Variants in TMEM255A observed in about 807,000 individuals in gnomAD.
TMEM255A encodes family with sequence similarity 70, member A.
In TMEM255A, 14 loss-of-function variants were observed where a neutral mutation model predicts 23.5. The observed-to-expected ratio is 0.60, with a 90% CI of 0.39 to 0.93. The LOEUF (loss-of-function observed/expected upper bound fraction) is 0.93, where lower values mean the gene tolerates loss of function less well. Among genes scored for constraint, TMEM255A ranks in the 40% least tolerant of loss-of-function variants. The pLI is 0.00. For synonymous variants in TMEM255A, 104 were observed against 100.3 expected, an observed-to-expected ratio of 1.04 and a Z score of -0.22; for missense variants, 233 against 261.7, an observed-to-expected ratio of 0.89 and a Z score of 0.76.
chrX:120,305,732 C>T (rs782072987), intron 1 of TMEM255A, among the ~76,000 whole-genome samples: 4 of 110,860 alleles, frequency 3.6e-5, no homozygotes, highest in Admixed American at 2.8e-4. Context: ...GTCAAGGAAA[C>T]GAAGCGAGAC....
chrX:120,293,945 T>A (rs782634625), intron 3 of TMEM255A, 44 bp downstream of exon 3: 1 of 1,010,423 alleles, frequency 9.9e-7, no homozygotes, highest in East Asian at 3.3e-5. Context: ...AATGTTGTGC[T>A]TTTTTAGAGG....
chrX:120,277,372 T>C (rs192235779), intron 6 of TMEM255A, among the ~76,000 whole-genome samples: 1 of 112,426 alleles, frequency 8.9e-6, no homozygotes, highest in Admixed American at 9.3e-5. Context: ...TCATTGCATC[T>C]GTGCTGTTTA....
intron 4 of TMEM255A, 147 bp downstream of exon 4, chrX:120,291,104 T>G (rs2057911636): frequency 8.0e-6 from 4 of 502,936 alleles, no homozygotes; most frequent in Non-Finnish European, 1.4e-5. Context: ...TCACCTTGAC[T>G]GCCAACTCCT....
At chrX:120,280,660 CTT>C (rs1167388863) in intron 6 of TMEM255A, among the ~76,000 whole-genome samples, 1 of 111,151 alleles carries the variant, frequency 9.0e-6, no homozygotes, top group South Asian at 3.8e-4. Context: ...TCCTAAAACA[CTT>C]TTAAAAATAT....
At chrX:120,293,299 C>T (rs2057929455) in intron 3 of TMEM255A, among the ~76,000 whole-genome samples, 1 of 112,527 alleles carries the variant, frequency 8.9e-6, no homozygotes, top group Admixed American at 9.3e-5. Context: ...CTACCTTTAC[C>T]CTTGAGGGAG....
chrX:120,255,435 ACTC>A (rs782263109), downstream of TMEM255A: 106 of 1,179,095 alleles, frequency 9.0e-5, no homozygotes, highest in Non-Finnish European at 1.2e-4. Flanking sequence ...GTCTTACTAA[ACTC>A]CTTTGAAATA....
Position 120,260,713 on chromosome X carries a change from T to C in TMEM255A, c.*157A>G. 1.4e-6 allele frequency: 1 copy of C among 736,942 alleles called. No homozygotes were observed. Among genetic ancestry groups the C allele is most frequent in the Middle Eastern group, 4.8e-4 (1 of 2,068 alleles). 60.7% of individuals were successfully genotyped at this position (736,942 alleles called of 1,213,427 possible). Reference sequence around the variant, plus strand: ...CCTGACCACCCCTGCTCTGCACTAATAATGAATAAGCTTCGTCCCTATCTT... The same window carrying C: ...CCTGACCACCCCTGCTCTGCACTAACAATGAATAAGCTTCGTCCCTATCTT... On this transcript the variant is annotated 3_prime_UTR_variant, in exon 9 of 9. Coordinates refer to ENST00000371369, the MANE Select transcript of TMEM255A (RefSeq NM_001104544.3).
At chrX:120,282,464 T>C (rs1431374094) in intron 6 of TMEM255A, among the ~76,000 whole-genome samples, 1 of 111,904 alleles carries the variant, frequency 8.9e-6, no homozygotes, top group Non-Finnish European at 1.9e-5. Flanking sequence ...CCCCTCTCAG[T>C]TGCCTAGTCC....
intron 1 of TMEM255A, among the ~76,000 whole-genome samples, chrX:120,305,443 T>A (rs1194994859): frequency 3.0e-5 from 3 of 101,444 alleles, no homozygotes; most frequent in Admixed American, 2.1e-4. Flanking sequence ...AAAAAAAAAA[T>A]AAGCAAATGA....
chrX:120,254,838 C>T, downstream of TMEM255A: 1 of 1,211,628 alleles, frequency 8.3e-7, no homozygotes, highest in South Asian at 1.8e-5. Flanking sequence ...GGCAAACAAA[C>T]GTATGAAAGT....
intron 2 of TMEM255A, among the ~76,000 whole-genome samples, chrX:120,294,454 A>T (rs1229656275): frequency 1.8e-5 from 2 of 110,025 alleles, no homozygotes; most frequent in Non-Finnish European, 3.8e-5. Context: ...AAAAAAAGGT[A>T]TTGGTGCTAA....
In TMEM255A at chrX:120,304,476, C is replaced by T. The variant is rs1556026627; in HGVS notation, c.74G>A (p.Arg25Lys). 1 of 1,209,676 alleles carries T rather than the reference C, an allele frequency of 8.3e-7. No homozygotes were observed. Among genetic ancestry groups the T allele is most frequent in the African/African-American group, 1.7e-5 (1 of 57,566 alleles). Residue 25 changes from arginine (R) to lysine (K), a missense_variant, in exon 2 of 9, where the codon AGG becomes AAG. Arg to Lys is a conservative substitution (Grantham distance 26). Transcript: ENST00000371369. Reference sequence around the variant, plus strand: ...GGTGACATAGATGGAGTTTCGTTTCCTCCGATTGAATGCTCCTGAAAGCAC... The same window carrying T: ...GGTGACATAGATGGAGTTTCGTTTCTTCCGATTGAATGCTCCTGAAAGCAC... ...LPDSMGAFNR[R>K]KRNSIYVTVT... is the part of the protein sequence containing the mutation.
chrX:120,296,304 G>A (rs956519227), intron 2 of TMEM255A, among the ~76,000 whole-genome samples: 1 of 110,243 alleles, frequency 9.1e-6, no homozygotes, highest in Non-Finnish European at 1.9e-5. Context: ...TTGTGGAATT[G>A]TCTGGAAAGA....
intron 2 of TMEM255A, among the ~76,000 whole-genome samples, chrX:120,297,104 ATATAT>A (rs2057998487): frequency 3.6e-5 from 1 of 27,571 alleles, no homozygotes; most frequent in Non-Finnish European, 5.2e-5. Context: ...ATAATATTAT[ATATAT>A]TATATTATAT....
chrX:120,305,338 C>T (rs2058057477), intron 1 of TMEM255A, among the ~76,000 whole-genome samples: 1 of 109,558 alleles, frequency 9.1e-6, no homozygotes, highest in Admixed American at 9.7e-5. Context: ...AGGAACCGAG[C>T]ACTGTCTCAC....
At chrX:120,282,871 G>A (rs2057846625) in intron 6 of TMEM255A, among the ~76,000 whole-genome samples, 1 of 111,322 alleles carries the variant, frequency 9.0e-6, no homozygotes, top group Non-Finnish European at 1.9e-5. Flanking sequence ...AGGTGTGTCT[G>A]CAAGGAATCA....
chrX:120,261,273 C>T (rs1382940468), intron 8 of TMEM255A, among the ~76,000 whole-genome samples: 2 of 111,700 alleles, frequency 1.8e-5, no homozygotes, highest in Non-Finnish European at 3.8e-5. Flanking sequence ...CAATCAATTG[C>T]CAAATCCTGT....
At chrX:120,271,945 A>G (rs868987096) in intron 7 of TMEM255A, among the ~76,000 whole-genome samples, 28 of 112,656 alleles carry the variant, frequency 2.5e-4, no homozygotes, top group African/African-American at 8.4e-4. Context: ...GCATGGGAGG[A>G]AGTACTTGCA....
At chrX:120,254,741 T>C (rs782537395), downstream of TMEM255A, 65 of 1,209,887 alleles carry the variant, frequency 5.4e-5, 1 homozygote, top group Non-Finnish European at 2.9e-5. Context: ...AAGATACTTA[T>C]GATATAGTGA....
Sources: allele counts gnomAD v4.1 joint callset (sites outside exome capture counted in the v4.1 genomes callset), GRCh38; gene constraint gnomAD v4.1.1; transcripts MANE v1.5; gene names NCBI Gene and HGNC (gene_info 2026-07-23, HGNC 2026-07-21).